IQANK1: variants seen among roughly 807,000 people sequenced by gnomAD.
The protein encoded by IQANK1 is IQ motif and ankyrin repeat domain-containing protein 1.
IQANK1 carries 30 observed loss-of-function variants against 22.6 expected under a neutral mutation model. The ratio of observed to expected loss-of-function variants is 1.33; its 90% confidence interval spans 0.99 to 1.80. The LOEUF is 1.80. Among genes scored for constraint, IQANK1 ranks in the 40% most tolerant of loss-of-function variants. IQANK1 has a pLI of 0.00. For missense variants in IQANK1, 275 were observed against 235.2 expected, an observed-to-expected ratio of 1.17 and a Z score of -1.11; for synonymous variants, 122 against 99.6, an observed-to-expected ratio of 1.23 and a Z score of -1.34.
At chr8:143,770,578 T>C (rs1040831551) in intron 3 of IQANK1, among the ~76,000 whole-genome samples, 2 of 152,038 alleles carry the variant, frequency 1.3e-5, no homozygotes, top group Non-Finnish European at 2.9e-5. Flanking sequence ...GGGAGCTTGG[T>C]TGTGGGAATC....
chr8:143,738,718 C>T (rs1554626031), intron 2 of IQANK1, among the ~76,000 whole-genome samples: 1 of 152,142 alleles, frequency 6.6e-6, no homozygotes, highest in Non-Finnish European at 1.5e-5. Flanking sequence ...CATCCCGGCT[C>T]CCCCGGTCCC....
intron 3 of IQANK1, chr8:143,745,734 CTTA>C (rs1380695837): frequency 6.6e-6 from 1 of 151,152 alleles, no homozygotes; most frequent in African/African-American, 2.4e-5. Flanking sequence ...TCATACATTT[CTTA>C]TTGTTGTTGT....
intron 2 of IQANK1, among the ~76,000 whole-genome samples, chr8:143,736,784 G>GAC (rs1345013334): frequency 4.0e-5 from 6 of 151,824 alleles, no homozygotes; most frequent in African/African-American, 1.5e-4. Context: ...ACTTCCCCCA[G>GAC]TACCCTCCCC....
At chr8:143,749,793 C>T (rs1428323549) in intron 3 of IQANK1, among the ~76,000 whole-genome samples, 1 of 150,314 alleles carries the variant, frequency 6.7e-6, no homozygotes, top group African/African-American at 2.4e-5. Context: ...AAACTCCTGA[C>T]CTCAGGTGAT....
chr8:143,736,141 ATTTTTTT>A lies in IQANK1; in HGVS notation c.85+214_85+220del, dbSNP rs555506417. Among the ~76,000 whole-genome samples, 641 of 137,064 alleles carry A rather than the reference ATTTTTTT, an allele frequency of 4.7e-3. 4 individuals carry two copies. Among genetic ancestry groups the A allele is most frequent in the African/African-American group, 0.016 (608 of 37,120 alleles). The allele number at this position is 137,064 out of a possible 152,430, so 89.9% of individuals were successfully genotyped here. On this transcript the variant is annotated intron_variant, in intron 2 of 13. Coordinates refer to ENST00000527139, the MANE Select transcript of IQANK1 (RefSeq NM_001381874.1). Reference sequence around the variant, plus strand: ...CATCTCAGACCTTGAGCCTGAATCTATTTTTTTTTTTTTTTTTGAGACGGAGTCTCGC... The same window carrying A: ...CATCTCAGACCTTGAGCCTGAATCTATTTTTTTTTTGAGACGGAGTCTCGC...
intron 3 of IQANK1, among the ~76,000 whole-genome samples, chr8:143,765,696 A>G (rs1206307877): frequency 1.3e-5 from 2 of 152,230 alleles, no homozygotes; most frequent in Non-Finnish European, 2.9e-5. Flanking sequence ...AGATAAGCAG[A>G]AGTTTTACAT....
At chr8:143,743,100 G>T (rs1554626838) in intron 3 of IQANK1, 1 of 448,046 alleles carries the variant, frequency 2.2e-6, no homozygotes, top group East Asian at 7.0e-5. Flanking sequence ...GCTCTGCAGG[G>T]TAGCCACCGG....
chr8:143,766,081 T>C (rs1205435251), intron 3 of IQANK1, among the ~76,000 whole-genome samples: 2 of 152,172 alleles, frequency 1.3e-5, no homozygotes, highest in African/African-American at 4.8e-5. Flanking sequence ...CCGTGGGTAG[T>C]AGCAGCCTCT....
chr8:143,739,240 G>T (rs1485495828), intron 2 of IQANK1, among the ~76,000 whole-genome samples: 1 of 151,920 alleles, frequency 6.6e-6, no homozygotes, highest in Non-Finnish European at 1.5e-5. Context: ...TTGTTGGGAG[G>T]GTGGGCTCCA....
chr8:143,749,176 A>C (rs1236713402), intron 3 of IQANK1, among the ~76,000 whole-genome samples: 1 of 123,840 alleles, frequency 8.1e-6, no homozygotes, highest in East Asian at 2.4e-4. Flanking sequence ...CAATATATAT[A>C]ATATATAAAT....
chr8:143,755,152 A>G (rs541221007), intron 3 of IQANK1, among the ~76,000 whole-genome samples: 1 of 152,282 alleles, frequency 6.6e-6, no homozygotes, highest in South Asian at 2.1e-4. Context: ...TGCATCCCAT[A>G]AGATACAGTG....
chr8:143,749,644 G>A (rs1376762100), intron 3 of IQANK1, among the ~76,000 whole-genome samples: 1 of 143,566 alleles, frequency 7.0e-6, no homozygotes, highest in Non-Finnish European at 1.5e-5. Flanking sequence ...TGCCCAGGCT[G>A]GAGTGCAGTG....
Position 143,735,932 on chromosome 8 carries a change from G to A in IQANK1, c.79G>A (p.Ala27Thr), listed in dbSNP as rs1157952686. Residue 27 changes from alanine to threonine, a missense_variant, in exon 2 of 14, where the codon GCT (alanine) becomes ACT (threonine). Transcript: ENST00000527139. The surrounding 1 kb of genome is among the most constrained non-coding windows in gnomAD (Gnocchi z 5.2). ...TLHPGPKTRAAAGKPGENRPP... is the reference protein window; with the variant it reads ...TLHPGPKTRATAGKPGENRPP... ...CCACCCTGGGCCCAAGACAAGAGCT[G>A]CTGCTGGTAAGTGCACCCTCTGACC... 1.4e-6 allele frequency: 1 copy of A among 702,460 alleles called. No homozygotes were observed. Among genetic ancestry groups the A allele is most frequent in the African/African-American group, 1.7e-5 (1 of 57,186 alleles). The allele number at this position is 702,460 out of a possible 1,614,324, so 43.5% of individuals were successfully genotyped here.
chr8:143,751,664 G>GTGTATGTATATATATATATATATATA (rs370428606), intron 3 of IQANK1, among the ~76,000 whole-genome samples: 2 of 61,550 alleles, frequency 3.2e-5, no homozygotes, highest in East Asian at 7.5e-4. Flanking sequence ...GTGTGTGTGT[G>GTGTATGTATATATATATATATATATA]TATATATATA....
At chr8:143,789,890 C>T (rs1384820360) in intron 11 of IQANK1, 21 bp downstream of exon 11, 11 of 1,231,756 alleles carry the variant, frequency 8.9e-6, no homozygotes, top group Non-Finnish European at 7.1e-6. Flanking sequence ...CATGGGGCGC[C>T]GGCTGGGGGC....
At chr8:143,773,688 TCTC>T (rs1197663826) in intron 7 of IQANK1, among the ~76,000 whole-genome samples, 11 of 152,026 alleles carry the variant, frequency 7.2e-5, no homozygotes, top group Admixed American at 5.9e-4. Flanking sequence ...ACCCCCAGAC[TCTC>T]CTCCTGTAGG....
intron 3 of IQANK1, among the ~76,000 whole-genome samples, 152 bp downstream of exon 3, chr8:143,740,100 G>A (rs1187092513): frequency 4.6e-5 from 7 of 152,104 alleles, no homozygotes; most frequent in African/African-American, 1.2e-4. Context: ...GCGCGTGTAC[G>A]CGCACCTGTG....
intron 7 of IQANK1, 91 bp downstream of exon 7, chr8:143,772,573 G>A (rs1038624653): frequency 1.5e-5 from 6 of 398,440 alleles, no homozygotes; most frequent in Admixed American, 4.4e-5. Flanking sequence ...TGTGGGTACC[G>A]GGAGGTGTGA....
intron 3 of IQANK1, among the ~76,000 whole-genome samples, chr8:143,740,468 C>T (rs1818876643): frequency 6.6e-6 from 1 of 152,258 alleles, no homozygotes; most frequent in African/African-American, 2.4e-5. Flanking sequence ...CGCCTCCCAA[C>T]GCGAACTCGT....
Sources: gnomAD v4.1 joint callset for allele counts (sites outside exome capture counted in the v4.1 genomes callset) on GRCh38, gnomAD v4.1.1 for gene constraint, Gnocchi (gnomAD v3.1) non-coding constraint, MANE v1.5 for transcripts, NCBI Gene and HGNC (gene_info 2026-07-23, HGNC 2026-07-21) for gene names.